The following AKAP6 variants were observed in gnomAD, a reference collection of about 807,000 sequenced individuals.
AKAP6 encodes the protein A-kinase anchoring protein 6, also known as A-kinase anchor protein 6.
AKAP6 carries 58 observed loss-of-function variants against 188.5 expected under a neutral mutation model. The observed-to-expected ratio is 0.31, with a 90% CI of 0.25 to 0.38. The LOEUF (loss-of-function observed/expected upper bound fraction) is 0.38. Ranked by LOEUF, AKAP6 falls within the 10% of genes least tolerant of loss-of-function variation. The pLI, the probability that AKAP6 is intolerant of heterozygous loss-of-function variation, is 1.00. For synonymous variants in AKAP6, 989 were observed against 998.6 expected, an observed-to-expected ratio of 0.99 and a Z score of 0.18; for missense variants, 2,710 against 2,740.0, an observed-to-expected ratio of 0.99 and a Z score of 0.24.
chr14:32,670,768 T>C (rs1889156859), intron 7 of AKAP6, among the ~76,000 whole-genome samples: 1 of 152,094 alleles, frequency 6.6e-6, no homozygotes, highest in Admixed American at 6.5e-5. Flanking sequence ...ACAAGTTCTA[T>C]ATTTCAATTA....
At chr14:32,407,700 A>G (rs1566487151) in intron 1 of AKAP6, among the ~76,000 whole-genome samples, 1 of 152,152 alleles carries the variant, frequency 6.6e-6, no homozygotes, top group African/African-American at 2.4e-5. Flanking sequence ...TTTTAGACTT[A>G]CAGGCTCTCT....
intron 12 of AKAP6, among the ~76,000 whole-genome samples, chr14:32,803,240 T>TAA (rs1053349214): frequency 2.0e-5 from 3 of 150,532 alleles, no homozygotes; most frequent in South Asian, 2.1e-4. Context: ...GGTCAGGAGT[T>TAA]CAAGACCAGC....
chr14:32,729,969 T>A (rs1398674002), intron 9 of AKAP6, among the ~76,000 whole-genome samples: 1 of 152,144 alleles, frequency 6.6e-6, no homozygotes, highest in Non-Finnish European at 1.5e-5. Context: ...CTTGATAGGA[T>A]GACCGAAAAC....
Position 32,411,794 on chromosome 14 carries a change from CT to C in AKAP6, c.-34-21652del, listed in dbSNP as rs11404817. ...TCTTGTTGTTACCATCTCTCTTACT[CT>C]TTTTTTTTTTTTTAATTCTTTAGTG... is the stretch of plus-strand genomic sequence containing the variant. On this transcript the variant is annotated intron_variant, in intron 1 of 13. Coordinates refer to ENST00000280979, the MANE Select transcript of AKAP6 (RefSeq NM_004274.5). Among the ~76,000 whole-genome samples, 1,001 of 144,446 alleles carry C rather than the reference CT, an allele frequency of 6.9e-3. 5 individuals are homozygous for C. Among genetic ancestry groups the C allele is most frequent in the East Asian group, 0.026 (127 of 4,910 alleles). The allele number at this position is 144,446 out of a possible 152,430, so 94.8% of individuals were successfully genotyped here.
chr14:32,467,903 T>G (rs546674460), intron 2 of AKAP6, among the ~76,000 whole-genome samples: 30 of 152,258 alleles, frequency 2.0e-4, no homozygotes, highest in Non-Finnish European at 2.8e-4. Flanking sequence ...AGTTTCTATT[T>G]TCTTCTTTTT....
At chr14:32,742,018 T>C (rs60325613) in intron 11 of AKAP6, among the ~76,000 whole-genome samples, 61,990 of 151,208 alleles carry the variant, frequency 0.41, 12,832 homozygotes, top group South Asian at 0.57. Context: ...TTTTCTTTAC[T>C]GGGGGATTTT....
Position 32,823,170 on chromosome 14 carries a change from A to G in AKAP6, c.5357A>G (p.Tyr1786Cys), listed in dbSNP as rs1444362287. The change falls in exon 13 of 14, where the codon TAT becomes TGT. Residue 1786 changes from tyrosine to cysteine, a missense_variant. Tyr to Cys is a radical substitution (Grantham distance 194, BLOSUM62 -2). Around this residue, in one of 2 missense-constraint regions of AKAP6, gnomAD observed 2,473 missense variants for 2,426.1 expected, o/e 1.02. Transcript: ENST00000280979. The part of the protein sequence containing the change: ...DSSIATDDEI[Y>C]EDCTLMSGLD... Reference sequence around the variant, plus strand: ...AGTATTGCAACAGATGATGAAATTTATGAAGACTGCACCTTGATGTCAGGG... The same window carrying G: ...AGTATTGCAACAGATGATGAAATTTGTGAAGACTGCACCTTGATGTCAGGG... 3 of 1,613,702 alleles carry G rather than the reference A, an allele frequency of 1.9e-6. No individual in the cohort carries two copies. In the African/African-American group the frequency reaches 4.0e-5, roughly 22 times the overall value.
chr14:32,505,169 C>T (rs1880807257), intron 2 of AKAP6, among the ~76,000 whole-genome samples: 1 of 152,132 alleles, frequency 6.6e-6, no homozygotes, highest in Non-Finnish European at 1.5e-5. Context: ...ATAATCATAA[C>T]TCTTAGAGCC....
intron 8 of AKAP6, among the ~76,000 whole-genome samples, chr14:32,684,895 C>T (rs994106029): frequency 2.0e-5 from 3 of 152,000 alleles, no homozygotes; most frequent in African/African-American, 7.3e-5. Context: ...GAAAAAGATA[C>T]GTAAGACTTA....
At chr14:32,711,759 TA>T in intron 9 of AKAP6, among the ~76,000 whole-genome samples, 1 of 152,130 alleles carries the variant, frequency 6.6e-6, no homozygotes, top group East Asian at 1.9e-4. Context: ...ATCTTATTTT[TA>T]AGCTTCACTA....
At chr14:32,785,856 A>G (rs1437136518) in intron 12 of AKAP6, among the ~76,000 whole-genome samples, 1 of 152,190 alleles carries the variant, frequency 6.6e-6, no homozygotes, top group Non-Finnish European at 1.5e-5. Context: ...AAGTAAAAGG[A>G]CACAAATTTC....
chr14:32,817,390 A>G (rs555029582), intron 12 of AKAP6, among the ~76,000 whole-genome samples: 1 of 152,232 alleles, frequency 6.6e-6, no homozygotes, highest in Admixed American at 6.5e-5. Context: ...TCCAAGTGTA[A>G]AAATAATAAA....
intron 7 of AKAP6, among the ~76,000 whole-genome samples, chr14:32,677,337 C>T (rs546551921): frequency 3.9e-5 from 6 of 152,112 alleles, no homozygotes; most frequent in South Asian, 2.1e-4. Flanking sequence ...GGAATTCTGG[C>T]GACTACTCAA....
At chr14:32,712,116 A>C (rs1445592978) in intron 9 of AKAP6, among the ~76,000 whole-genome samples, 1 of 152,074 alleles carries the variant, frequency 6.6e-6, no homozygotes, top group Non-Finnish European at 1.5e-5. Context: ...CCATACCACC[A>C]TAATAAGGCA....
chr14:32,551,538 C>T (rs375688278), intron 4 of AKAP6, among the ~76,000 whole-genome samples: 9 of 143,802 alleles, frequency 6.3e-5, no homozygotes, highest in East Asian at 6.2e-4. Context: ...TGCCATGGCA[C>T]TCCAGCCTGG....
At chr14:32,659,490 T>A (rs1327032157) in intron 7 of AKAP6, among the ~76,000 whole-genome samples, 1 of 152,070 alleles carries the variant, frequency 6.6e-6, no homozygotes, top group Non-Finnish European at 1.5e-5. Flanking sequence ...AGATAAGACA[T>A]GGAGTCATCA....
chr14:32,792,178 G>A (rs2033631540), intron 12 of AKAP6, among the ~76,000 whole-genome samples: 1 of 152,138 alleles, frequency 6.6e-6, no homozygotes, highest in Admixed American at 6.5e-5. Flanking sequence ...GTAGCTTCAT[G>A]GGAATAGCAT....
chr14:32,443,417 A>C (rs536139072), intron 2 of AKAP6, among the ~76,000 whole-genome samples: 16 of 151,426 alleles, frequency 1.1e-4, no homozygotes, highest in Admixed American at 5.3e-4. Context: ...CAAAAAAAAA[A>C]CAAAAAAACA....
At chr14:32,396,087 A>C (rs1888869905) in intron 1 of AKAP6, among the ~76,000 whole-genome samples, 1 of 152,210 alleles carries the variant, frequency 6.6e-6, no homozygotes, top group South Asian at 2.1e-4. Context: ...AAAGACTGCT[A>C]CTATTTAATT....
Sources: allele counts gnomAD v4.1 joint callset (sites outside exome capture counted in the v4.1 genomes callset), GRCh38; gene constraint gnomAD v4.1.1; regional missense constraint gnomAD v4.1.1; transcripts MANE v1.5; gene names NCBI Gene and HGNC (gene_info 2026-07-23, HGNC 2026-07-21).